SH3D19: variants seen among roughly 807,000 people sequenced by gnomAD.
The protein encoded by SH3D19 is SH3 domain containing 19, also known as SH3 domain-containing protein 19.
In SH3D19, 58 loss-of-function variants were observed where a neutral mutation model predicts 112.1. The ratio of observed to expected loss-of-function variants is 0.52; its 90% CI spans 0.42 to 0.64. The LOEUF is 0.64. Among genes scored for constraint, SH3D19 ranks in the 30% least tolerant of loss-of-function variants. The pLI, the probability that SH3D19 is intolerant of heterozygous loss-of-function variation, is 0.00. For missense variants in SH3D19, 1,090 were observed against 1,263.4 expected (o/e 0.86, Z 2.08); for synonymous variants, 391 against 448.5 (o/e 0.87, Z 1.62).
intron 1 of SH3D19, among the ~76,000 whole-genome samples, chr4:151,266,950 CTAAG>C (rs1321471469): frequency 6.6e-6 from 1 of 152,104 alleles, no homozygotes; most frequent in Non-Finnish European, 1.5e-5. Context: ...TTCAAAGAGG[CTAAG>C]TAATCTGCCT....
At chr4:151,261,792 T>C (rs940524164) in intron 1 of SH3D19, among the ~76,000 whole-genome samples, 1 of 152,188 alleles carries the variant, frequency 6.6e-6, no homozygotes, top group African/African-American at 2.4e-5. Flanking sequence ...GAGTAATGAA[T>C]TTAGAGATAG....
At chr4:151,151,036 A>G (rs181618453) in intron 9 of SH3D19, among the ~76,000 whole-genome samples, 52 of 150,126 alleles carry the variant, frequency 3.5e-4, no homozygotes, top group Admixed American at 1.5e-3. Context: ...TCTCAGCTCA[A>G]TGCAACCTCT....
intron 2 of SH3D19, among the ~76,000 whole-genome samples, chr4:151,206,388 A>T (rs1203062620): frequency 6.6e-6 from 1 of 152,130 alleles, no homozygotes. Context: ...TCTATTACTC[A>T]CTGGCATAGA....
intron 2 of SH3D19, among the ~76,000 whole-genome samples, chr4:151,190,284 TAA>T (rs1213373060): frequency 6.6e-6 from 1 of 152,170 alleles, no homozygotes; most frequent in Non-Finnish European, 1.5e-5. Flanking sequence ...GACAATGTGA[TAA>T]AAGAGAAAAT....
rs769890568 is a variant in SH3D19 at position 151,143,953 on chromosome 4, T to G, written c.2180A>C (p.Lys727Thr). The part of the protein sequence containing the change: ...DTGRVHLSQM[K>T]IITPLDEHLR... ...ATGTTCATCAAGTGGAGTGATAATC[T>G]TCATTTGAGACAGGTGAACTCTGCC... Residue 727 changes from lysine (K) to threonine (T), a missense_variant, in exon 12 of 20, where the codon AAG (lysine) becomes ACG (threonine). Physicochemically the swap from Lys to Thr is moderately conservative, Grantham distance 78. Coordinates refer to ENST00000604030, the MANE Select transcript of SH3D19 (RefSeq NM_001378122.1). 6.2e-7 allele frequency: 1 copy of G among 1,614,034 alleles called. No individual in the cohort carries two copies. The highest frequency in any genetic ancestry group is 1.1e-5 in the South Asian group (1 of 91,006).
Position 151,148,060 on chromosome 4 carries a change from A to C in SH3D19, c.1944T>G (p.Ser648=), listed in dbSNP as rs1251113461. The C allele has an allele frequency of 6.2e-7, 1 of 1,614,166 alleles. No individual in the cohort carries two copies. Among genetic ancestry groups the C allele is most frequent in the South Asian group, 1.1e-5 (1 of 91,068 alleles). ...GTTTTTTCTGAAGATCCATGTCAGA[A>C]GAGGATCGATTAAAAGGCAGTTTCT... ...SNKKLPFNRS[S]SDMDLQKKQS... is the part of the protein sequence containing the mutation. Residue 648 remains serine, a synonymous_variant, in exon 11 of 20, where the codon TCT becomes TCG. Transcript: ENST00000604030.
intron 7 of SH3D19, chr4:151,166,089 C>G (rs1394611084): frequency 2.4e-5 from 4 of 166,990 alleles, no homozygotes; most frequent in East Asian, 1.7e-4. Flanking sequence ...TCCCTGTACA[C>G]CCCCTGTGCC....
Position 151,137,825 on chromosome 4 carries a change from A to C in SH3D19, c.2334T>G (p.Ile778Met), listed in dbSNP as rs1399075185. Reference protein sequence around the residue: ...VDDLNLTSGEIVYLLEKIDTD... With the variant: ...VDDLNLTSGEMVYLLEKIDTD... ...TATCTATCTTCTCCAGAAGATAAACAATTTCTCCAGAAGTGAGGTTCAAAT... is the reference window on the plus strand; with the variant it reads ...TATCTATCTTCTCCAGAAGATAAACCATTTCTCCAGAAGTGAGGTTCAAAT... The change falls in exon 14 of 20, where the codon ATT becomes ATG. Residue 778 changes from isoleucine (I) to methionine (M), a missense_variant. Coordinates refer to ENST00000604030, the MANE Select transcript of SH3D19 (RefSeq NM_001378122.1). 6.2e-7 allele frequency: 1 copy of C among 1,610,466 alleles called. No homozygotes were observed. The highest frequency in any genetic ancestry group is 1.1e-5 in the South Asian group (1 of 90,278).
chr4:151,123,143 C>G (rs1748398116), intron 19 of SH3D19, among the ~76,000 whole-genome samples: 3 of 152,142 alleles, frequency 2.0e-5, no homozygotes, highest in Non-Finnish European at 4.4e-5. Context: ...AGCCACTGCC[C>G]CTGGCTGAGA....
In SH3D19 at chr4:151,144,240, G is replaced by A. The variant is rs201329549; in HGVS notation, c.2083-190C>T. 336 of 1,613,944 alleles carry A rather than the reference G, an allele frequency of 2.1e-4. No individual in the cohort carries two copies. The highest frequency in any genetic ancestry group is 5.3e-4 in the Admixed American group (32 of 59,994). ...TTTACCTTACAAGAGAGTTCTCCGG[G>A]GTTTTGAGAGACAATATCTTCATTG... is the stretch of plus-strand genomic sequence containing the variant. On this transcript the variant is annotated intron_variant, in intron 11 of 19. Transcript: ENST00000604030.
At chr4:151,291,961 A>G (rs11734518) in intron 1 of SH3D19, among the ~76,000 whole-genome samples, 54,373 of 151,976 alleles carry the variant, frequency 0.36, 10,822 homozygotes, top group Non-Finnish European at 0.46. Context: ...CACTGCCTAC[A>G]GATTAGCTAG....
chr4:151,227,783 C>G, intron 1 of SH3D19: 1 of 985,466 alleles, frequency 1.0e-6, no homozygotes, highest in Non-Finnish European at 1.2e-6. Context: ...CGAGCTAAAA[C>G]TCTGTCCAGA....
chr4:151,197,772 G>A (rs977534964), intron 2 of SH3D19, among the ~76,000 whole-genome samples: 2 of 152,040 alleles, frequency 1.3e-5, no homozygotes, highest in Admixed American at 6.6e-5. Flanking sequence ...GATAATAGTG[G>A]TCATTTTAAA....
At chr4:151,191,653 T>G (rs549915299) in intron 2 of SH3D19, among the ~76,000 whole-genome samples, 23 of 152,258 alleles carry the variant, frequency 1.5e-4, no homozygotes, top group Non-Finnish European at 3.4e-4. Flanking sequence ...CTGTTCTTTT[T>G]TTTTTCTTTT....
chr4:151,230,495 AGAC>A (rs1769524707), intron 1 of SH3D19, among the ~76,000 whole-genome samples: 1 of 152,194 alleles, frequency 6.6e-6, no homozygotes, highest in Non-Finnish European at 1.5e-5. Flanking sequence ...TGGAAATGAA[AGAC>A]CTGAAATCAT....
chr4:151,174,771 T>C lies in SH3D19; in HGVS notation c.1433A>G (p.Lys478Arg). ...GATGAGATCGATGTCCACCAAGGGC[T>C]TGCTCTGCAGAACTGGAACTGGGGG... ...ANPPVPVLQS[K>R]PLVDIDLISF... The change falls in exon 7 of 20, where the codon AAG becomes AGG. Residue 478 changes from lysine (K) to arginine (R), a missense_variant. Lys to Arg is a conservative substitution (Grantham distance 26, BLOSUM62 2). Coordinates refer to ENST00000604030, the MANE Select transcript of SH3D19 (RefSeq NM_001378122.1). The C allele has an allele frequency of 6.5e-7, 1 of 1,542,686 alleles. No homozygotes were observed. The highest frequency in any genetic ancestry group is 2.3e-5 in the East Asian group (1 of 44,430).
At chr4:151,189,735 C>T (rs1762349516) in intron 2 of SH3D19, among the ~76,000 whole-genome samples, 2 of 152,206 alleles carry the variant, frequency 1.3e-5, no homozygotes, top group Admixed American at 6.5e-5. Context: ...AGAAAGTTTA[C>T]AAAACTTTCT....
intron 2 of SH3D19, among the ~76,000 whole-genome samples, chr4:151,194,572 G>A (rs886746511): frequency 1.3e-5 from 2 of 151,370 alleles, no homozygotes; most frequent in African/African-American, 2.4e-5. Flanking sequence ...CCGCCACAAC[G>A]CCCAGCTAAT....
rs572054623 is a variant in SH3D19 at position 151,272,161 on chromosome 4, T to C, written c.113-46075A>G. The stretch of plus-strand genomic sequence containing the variant: ...TGAATAAAAAGGAAGAAACTATTTA[T>C]AGACAGATAATGTAGGCAAAAGGCA... On this transcript the variant is annotated intron_variant, in intron 1 of 19. Coordinates refer to ENST00000604030, the MANE Select transcript of SH3D19 (RefSeq NM_001378122.1). Among the ~76,000 whole-genome samples the C allele has an allele frequency of 5.9e-5, 9 of 152,314 alleles. No individual in the cohort carries two copies. In the South Asian group the frequency reaches 1.7e-3, roughly 28 times the overall value.
Sources: allele counts gnomAD v4.1 joint callset (sites outside exome capture counted in the v4.1 genomes callset), GRCh38; gene constraint gnomAD v4.1.1; transcripts MANE v1.5; gene names NCBI Gene and HGNC (gene_info 2026-07-23, HGNC 2026-07-21).